Variants in AP3S2 observed in about 807,000 individuals in gnomAD.
The protein encoded by AP3S2 is AP-3 complex subunit sigma-2.
AP3S2 carries 22 observed loss-of-function variants against 23.4 expected under a neutral mutation model. The observed-to-expected ratio is 0.94, with a 90% CI of 0.67 to 1.34. The LOEUF (loss-of-function observed/expected upper bound fraction) is 1.34. AP3S2 is among the 40% of genes most tolerant of loss of function. The pLI, the probability that AP3S2 is intolerant of heterozygous loss-of-function variation, is 0.00. For missense variants in AP3S2, 241 were observed against 236.9 expected, an observed-to-expected ratio of 1.02 and a Z score of -0.11; for synonymous variants, 86 against 87.1, an observed-to-expected ratio of 0.99 and a Z score of 0.07.
At chr15:89,842,474 C>A (rs1895352850) in intron 4 of AP3S2, among the ~76,000 whole-genome samples, 1 of 152,122 alleles carries the variant, frequency 6.6e-6, no homozygotes, top group Non-Finnish European at 1.5e-5. Context: ...TGGGTTCCTG[C>A]AACCAGGCAA....
At chr15:89,863,115 G>A (rs1264305549) in intron 4 of AP3S2, among the ~76,000 whole-genome samples, 1 of 152,042 alleles carries the variant, frequency 6.6e-6, no homozygotes, top group Non-Finnish European at 1.5e-5. Flanking sequence ...CCACTGAAGG[G>A]TTAACAGTAT....
At chr15:89,868,251 T>C (rs1284605635) in intron 4 of AP3S2, among the ~76,000 whole-genome samples, 10 of 32,622 alleles carry the variant, frequency 3.1e-4, no homozygotes, top group East Asian at 1.3e-3. Context: ...CCGCCCCGTC[T>C]GGGAGGTGAG....
intron 4 of AP3S2, among the ~76,000 whole-genome samples, chr15:89,869,351 T>C (rs1243099741): frequency 4.7e-5 from 7 of 148,790 alleles, no homozygotes; most frequent in Non-Finnish European, 1.0e-4. Context: ...ATGTGCTTTG[T>C]TAAACAGATG....
At chr15:89,854,445 G>A (rs1490117235) in intron 4 of AP3S2, among the ~76,000 whole-genome samples, 15 of 42,624 alleles carry the variant, frequency 3.5e-4, no homozygotes, top group South Asian at 1.1e-3. Context: ...GGTGAGGGGC[G>A]CCTCTGCCCA....
At chr15:89,888,053 A>C (rs1896739823) in intron 3 of AP3S2, among the ~76,000 whole-genome samples, 1 of 152,212 alleles carries the variant, frequency 6.6e-6, no homozygotes, top group Non-Finnish European at 1.5e-5. Flanking sequence ...ATAGCTATAG[A>C]ATTTTCTTTT....
At chr15:89,893,838 G>C (rs373337852) in intron 1 of AP3S2, 43 bp downstream of exon 1, 2 of 1,549,314 alleles carry the variant, frequency 1.3e-6, no homozygotes, top group Non-Finnish European at 1.7e-6. Context: ...GGAAGACATA[G>C]TGGGCGCCCT....
At chr15:89,868,343 A>G (rs1239182423) in intron 4 of AP3S2, among the ~76,000 whole-genome samples, 10 of 67,800 alleles carry the variant, frequency 1.5e-4, no homozygotes, top group Admixed American at 2.8e-4. Flanking sequence ...AGGGAGGTGG[A>G]GGGGTCAGCC....
intron 4 of AP3S2, among the ~76,000 whole-genome samples, chr15:89,844,485 G>C (rs1376961695): frequency 6.6e-6 from 1 of 151,458 alleles, no homozygotes; most frequent in African/African-American, 2.4e-5. Context: ...CTATAGGCAT[G>C]TGCCACCATG....
chr15:89,868,355 C>CT (rs1896208906), intron 4 of AP3S2, among the ~76,000 whole-genome samples: 2 of 95,778 alleles, frequency 2.1e-5, no homozygotes, highest in African/African-American at 8.0e-5. Flanking sequence ...GGGTCAGCCC[C>CT]CCGCCCGGCC....
At chr15:89,882,545 C>T (rs937873653) in intron 3 of AP3S2, among the ~76,000 whole-genome samples, 3 of 151,880 alleles carry the variant, frequency 2.0e-5, no homozygotes, top group Non-Finnish European at 2.9e-5. Flanking sequence ...TTAGTAGAGA[C>T]GGGGTTTCTC....
chr15:89,863,887 C>T (rs2165069), intron 4 of AP3S2, among the ~76,000 whole-genome samples: 111,588 of 152,112 alleles, frequency 0.73, 41,083 homozygotes, highest in East Asian at 0.8. Context: ...AGATCATTTT[C>T]TATTATCAAC....
intron 1 of AP3S2, among the ~76,000 whole-genome samples, chr15:89,889,985 C>T (rs1896783599): frequency 1.3e-5 from 2 of 151,626 alleles, no homozygotes; most frequent in Admixed American, 1.3e-4. Flanking sequence ...ATATAAGATG[C>T]TGTGTTACTC....
intron 4 of AP3S2, chr15:89,848,943 GC>G (rs759325912): frequency 4.6e-5 from 7 of 152,180 alleles, no homozygotes; most frequent in Non-Finnish European, 5.9e-5. Flanking sequence ...TGGTACATAT[GC>G]CTTTTTCTCT....
At chr15:89,846,519 C>T (rs1178763681) in intron 4 of AP3S2, among the ~76,000 whole-genome samples, 3 of 151,950 alleles carry the variant, frequency 2.0e-5, no homozygotes, top group Admixed American at 6.6e-5. Context: ...CCACCACACC[C>T]GGCTAATTTT....
intron 4 of AP3S2, among the ~76,000 whole-genome samples, chr15:89,843,910 G>A (rs1895396735): frequency 6.6e-6 from 1 of 152,188 alleles, no homozygotes; most frequent in Admixed American, 6.5e-5. Flanking sequence ...TAGGATTAGG[G>A]TAACAACAGA....
At chr15:89,858,498 AGAGAGAGAGAGAG>A (rs1895908987) in intron 4 of AP3S2, among the ~76,000 whole-genome samples, 2 of 55,966 alleles carry the variant, frequency 3.6e-5, no homozygotes, top group African/African-American at 1.2e-4. Context: ...AAAGAAAGAG[AGAGAGAGAGAGAG>A]AGAGAGAGAG....
chr15:89,846,778 G>A (rs1006537110), intron 4 of AP3S2, among the ~76,000 whole-genome samples: 9 of 152,098 alleles, frequency 5.9e-5, no homozygotes, highest in East Asian at 1.9e-4. Flanking sequence ...CGCCTGCCTC[G>A]GCCTCCCAAA....
chr15:89,851,291 C>T lies in AP3S2; in HGVS notation c.346-13569G>A, dbSNP rs188573109. Reference sequence around the variant, plus strand: ...AAAGGCATCCAGGCAGAGGGAATGGCAAATTACCTAGCAACTCATTCATTA... The same window carrying T: ...AAAGGCATCCAGGCAGAGGGAATGGTAAATTACCTAGCAACTCATTCATTA... On this transcript the variant is annotated intron_variant, in intron 4 of 5. Coordinates refer to ENST00000336418, the MANE Select transcript of AP3S2 (RefSeq NM_005829.5). Among the ~76,000 whole-genome samples the T allele has an allele frequency of 3.4e-4, 52 of 152,152 alleles. 1 individual carries two copies. The highest frequency in any genetic ancestry group is 1.2e-3 in the African/African-American group (51 of 41,506).
At chr15:89,862,333 A>C (rs557994075) in intron 4 of AP3S2, among the ~76,000 whole-genome samples, 1 of 152,314 alleles carries the variant, frequency 6.6e-6, no homozygotes, top group East Asian at 1.9e-4. Flanking sequence ...AATATTTATT[A>C]ATGTTAAATT....
Sources: allele counts gnomAD v4.1 joint callset (sites outside exome capture counted in the v4.1 genomes callset), GRCh38; gene constraint gnomAD v4.1.1; transcripts MANE v1.5; gene names NCBI Gene and HGNC (gene_info 2026-07-23, HGNC 2026-07-21).